Variants in PRPF18 observed in about 807,000 individuals in gnomAD.
The protein encoded by PRPF18 is pre-mRNA processing factor 18.
In PRPF18, 38 loss-of-function variants were observed where a neutral mutation model predicts 46.5. The ratio of observed to expected loss-of-function variants is 0.82; its 90% CI spans 0.63 to 1.07. The LOEUF is 1.07. Among genes scored for constraint, PRPF18 ranks in the 50% least tolerant of loss-of-function variants. PRPF18 has a pLI of 0.00. For synonymous variants in PRPF18, 152 were observed against 146.7 expected (o/e 1.04, Z -0.26); for missense variants, 263 against 410.0 (o/e 0.64, Z 3.10).
the PRPF18 span, chr10:13,645,841 CA>C: frequency 6.6e-6 from 1 of 152,584 alleles, no homozygotes; most frequent in African/African-American, 2.4e-5. Context: ...GAATGGATCG[CA>C]ATGTGCTTTT....
At chr10:13,605,350 G>A (rs1270024731) in intron 3 of PRPF18, among the ~76,000 whole-genome samples, 5 of 152,124 alleles carry the variant, frequency 3.3e-5, no homozygotes, top group South Asian at 2.1e-4. Context: ...TTGGGAGCCC[G>A]AGGCAGGCGG....
chr10:13,606,712 C>T (rs1373128498), intron 4 of PRPF18, among the ~76,000 whole-genome samples: 8 of 112,902 alleles, frequency 7.1e-5, no homozygotes, highest in African/African-American at 1.0e-4. Context: ...TCCAGCCTGG[C>T]GACAGAGTGA....
chr10:13,652,177 GACGGGCCCT>G, the PRPF18 span: 1 of 594,824 alleles, frequency 1.7e-6, no homozygotes, highest in Non-Finnish European at 3.0e-6. Flanking sequence ...TGTTAGGAGG[GACGGGCCCT>G]CTTTTACCCA....
intron 5 of PRPF18, among the ~76,000 whole-genome samples, chr10:13,610,395 A>G (rs908803932): frequency 1.3e-5 from 2 of 152,092 alleles, no homozygotes; most frequent in Non-Finnish European, 2.9e-5. Flanking sequence ...ACCCATTCTA[A>G]TATGTTGGAT....
intron 5 of PRPF18, among the ~76,000 whole-genome samples, chr10:13,611,274 T>C (rs1368346290): frequency 1.3e-5 from 2 of 152,002 alleles, no homozygotes; most frequent in African/African-American, 4.8e-5. Flanking sequence ...ACCATACAGT[T>C]GACTGATTTA....
chr10:13,601,134 T>G (rs1162192626), intron 3 of PRPF18, among the ~76,000 whole-genome samples: 1 of 152,236 alleles, frequency 6.6e-6, no homozygotes, highest in Non-Finnish European at 1.5e-5. Context: ...TTGCTTATTA[T>G]AAATAATACT....
chr10:13,596,022 C>T (rs1481673412), intron 1 of PRPF18, among the ~76,000 whole-genome samples: 1 of 152,154 alleles, frequency 6.6e-6, no homozygotes, highest in South Asian at 2.1e-4. Flanking sequence ...TATTTTCCAA[C>T]TGAATTAAAA....
intron 1 of PRPF18, among the ~76,000 whole-genome samples, chr10:13,588,736 A>C (rs924044845): frequency 1.2e-4 from 19 of 152,088 alleles, no homozygotes; most frequent in Non-Finnish European, 2.4e-4. Context: ...AGGTACTAAA[A>C]AGGGGGAGAA....
intron 1 of PRPF18, chr10:13,591,418 T>C (rs1311240071): frequency 2.1e-6 from 1 of 476,148 alleles, no homozygotes. Flanking sequence ...GTCCTCCTTT[T>C]TTGTTATCAG....
intron 3 of PRPF18, among the ~76,000 whole-genome samples, chr10:13,604,419 A>G (rs1028326683): frequency 1.3e-5 from 2 of 152,280 alleles, no homozygotes; most frequent in African/African-American, 2.4e-5. Flanking sequence ...TTTGTTACAC[A>G]TATATGAATA....
intron 3 of PRPF18, among the ~76,000 whole-genome samples, chr10:13,603,226 A>G (rs905736181): frequency 6.6e-6 from 1 of 152,186 alleles, no homozygotes; most frequent in African/African-American, 2.4e-5. Flanking sequence ...TTGAAATAGT[A>G]AAAGAGGACT....
At chr10:13,624,191 T>C (rs2080464183) in intron 9 of PRPF18, among the ~76,000 whole-genome samples, 1 of 152,232 alleles carries the variant, frequency 6.6e-6, no homozygotes, top group Non-Finnish European at 1.5e-5. Context: ...TTGGCCAGGC[T>C]GGTCTCGAAC....
At chr10:13,630,097 C>G (rs982911664) in intron 9 of PRPF18, among the ~76,000 whole-genome samples, 163 bp from the exon 10 acceptor site, 3 of 152,142 alleles carry the variant, frequency 2.0e-5, no homozygotes, top group Non-Finnish European at 4.4e-5. Flanking sequence ...TGTGGACCTG[C>G]AGGTGCACAA....
intron 1 of PRPF18, chr10:13,591,976 C>T (rs1257350779): frequency 2.0e-6 from 2 of 978,828 alleles, no homozygotes; most frequent in Non-Finnish European, 1.5e-6. Flanking sequence ...GGCACATCTT[C>T]AGTAGGAAAA....
chr10:13,635,095 T>G (rs2080625190), downstream of PRPF18, among the ~76,000 whole-genome samples: 1 of 152,204 alleles, frequency 6.6e-6, no homozygotes, highest in Non-Finnish European at 1.5e-5. Flanking sequence ...TACCCCTGTG[T>G]GTCCATGTGT....
At chr10:13,607,058 C>A (rs756981089) in intron 4 of PRPF18, among the ~76,000 whole-genome samples, 7 of 152,166 alleles carry the variant, frequency 4.6e-5, no homozygotes, top group African/African-American at 7.2e-5. Context: ...AAGTTGTGTT[C>A]ATTTGTGTAG....
chr10:13,596,738 T>C (rs1037164201), intron 1 of PRPF18, among the ~76,000 whole-genome samples: 1 of 152,160 alleles, frequency 6.6e-6, no homozygotes, highest in Non-Finnish European at 1.5e-5. Context: ...TTACATCAAA[T>C]CATATCACAA....
At chr10:13,613,921 A>G (rs550033677) in intron 7 of PRPF18, 40 bp downstream of exon 7, 9 of 1,588,624 alleles carry the variant, frequency 5.7e-6, no homozygotes, top group Non-Finnish European at 5.1e-6. Flanking sequence ...ACTGACTTTA[A>G]AAATACAGTA....
At chr10:13,634,395 C>T (rs530667094), downstream of PRPF18, among the ~76,000 whole-genome samples, 1 of 152,326 alleles carries the variant, frequency 6.6e-6, no homozygotes, top group African/African-American at 2.4e-5. Context: ...TTTCGAGCTG[C>T]CTTTTGGTGA....
Sources: allele counts gnomAD v4.1 joint callset (sites outside exome capture counted in the v4.1 genomes callset), GRCh38; gene constraint gnomAD v4.1.1; transcripts MANE v1.5; gene names NCBI Gene and HGNC (gene_info 2026-07-23, HGNC 2026-07-21).